Variants in GSK3B observed in about 807,000 individuals in gnomAD.
GSK3B encodes glycogen synthase kinase-3 beta.
GSK3B carries 15 observed loss-of-function variants against 56.4 expected under a neutral mutation model. The ratio of observed to expected loss-of-function variants is 0.27; its 90% CI spans 0.18 to 0.41. The LOEUF (loss-of-function observed/expected upper bound fraction) is 0.41, where lower values mean the gene tolerates loss of function less well. Ranked by LOEUF, GSK3B falls within the 10% of genes least tolerant of loss-of-function variation. GSK3B has a pLI of 1.00. For missense variants in GSK3B, 300 were observed against 513.4 expected (o/e 0.58, Z 4.02); for synonymous variants, 181 against 188.9 (o/e 0.96, Z 0.34).
chr3:120,006,623 C>T (rs1209810326), intron 1 of GSK3B, among the ~76,000 whole-genome samples: 1 of 152,172 alleles, frequency 6.6e-6, no homozygotes, highest in Non-Finnish European at 1.5e-5. Flanking sequence ...TTCAAAACCA[C>T]ACAACTGCAT....
intron 2 of GSK3B, among the ~76,000 whole-genome samples, chr3:119,990,467 C>T (rs2107465640): frequency 6.6e-6 from 1 of 152,302 alleles, no homozygotes; most frequent in Middle Eastern, 3.4e-3. Context: ...TTTCCTCTTT[C>T]TTTAACTCTT....
At chr3:119,985,525 T>C (rs1476846313) in intron 2 of GSK3B, among the ~76,000 whole-genome samples, 1 of 152,096 alleles carries the variant, frequency 6.6e-6, no homozygotes, top group Non-Finnish European at 1.5e-5. Flanking sequence ...TCACAAGCAT[T>C]CCTAGACACC....
At chr3:119,973,959 C>T (rs1032403859) in intron 2 of GSK3B, among the ~76,000 whole-genome samples, 1 of 152,124 alleles carries the variant, frequency 6.6e-6, no homozygotes, top group Non-Finnish European at 1.5e-5. Context: ...CAAAAATTAA[C>T]TTGAAATGGA....
At chr3:119,906,142 G>A (rs190649082) in intron 6 of GSK3B, among the ~76,000 whole-genome samples, 1 of 152,174 alleles carries the variant, frequency 6.6e-6, no homozygotes, top group East Asian at 1.9e-4. Flanking sequence ...GAGGATTACA[G>A]TACCAAAGCT....
intron 1 of GSK3B, among the ~76,000 whole-genome samples, chr3:120,091,011 C>T (rs577971417): frequency 5.3e-5 from 8 of 152,288 alleles, no homozygotes; most frequent in African/African-American, 1.7e-4. Flanking sequence ...GTTCAAGTTA[C>T]CACCTCCTTT....
chr3:120,010,368 C>T (rs72969151), intron 1 of GSK3B, among the ~76,000 whole-genome samples: 3 of 152,062 alleles, frequency 2.0e-5, no homozygotes, highest in Admixed American at 1.3e-4. Flanking sequence ...TCTTAGCAGT[C>T]CTAAAAACAG....
intron 1 of GSK3B, among the ~76,000 whole-genome samples, chr3:120,031,519 T>C (rs1010827838): frequency 1.3e-5 from 2 of 152,210 alleles, no homozygotes; most frequent in Admixed American, 1.3e-4. Flanking sequence ...TGCTACTTCC[T>C]AAGCCTTTTT....
chr3:119,910,530 C>G (rs2056725528), intron 6 of GSK3B, among the ~76,000 whole-genome samples: 1 of 152,166 alleles, frequency 6.6e-6, no homozygotes, highest in African/African-American at 2.4e-5. Flanking sequence ...AATCTTTTTG[C>G]TGGCAGAGGG....
At chr3:120,015,603 T>A (rs2057817631) in intron 1 of GSK3B, among the ~76,000 whole-genome samples, 1 of 116,842 alleles carries the variant, frequency 8.6e-6, no homozygotes, top group African/African-American at 3.3e-5. Flanking sequence ...TAAGCCAAGA[T>A]CACGCCATTG....
intron 10 of GSK3B, among the ~76,000 whole-genome samples, chr3:119,833,691 T>TG (rs2055641109): frequency 9.0e-6 from 1 of 111,064 alleles, no homozygotes; most frequent in Non-Finnish European, 1.8e-5. Context: ...CATTAGGTTG[T>TG]TTTTTTTTTT....
chr3:120,077,667 G>C (rs2058378933), intron 1 of GSK3B, among the ~76,000 whole-genome samples: 2 of 151,062 alleles, frequency 1.3e-5, no homozygotes, highest in African/African-American at 2.5e-5. Context: ...GGGAGAGGGG[G>C]TGGGTAACTA....
intron 3 of GSK3B, among the ~76,000 whole-genome samples, chr3:119,931,110 T>A (rs1398827459): frequency 5.9e-5 from 9 of 152,206 alleles, no homozygotes; most frequent in Non-Finnish European, 1.3e-4. Context: ...AACAGTAGTA[T>A]TTTTGCAGTT....
rs1265446000 is a variant in GSK3B, at chr3:120,002,252, A to G, written c.89-13T>C. The G allele has an allele frequency of 6.7e-7, 1 of 1,502,318 alleles. No individual in the cohort carries two copies. The highest frequency in any genetic ancestry group is 2.5e-5 in the East Asian group (1 of 40,760). 93.1% of individuals were successfully genotyped at this position (1,502,318 alleles called of 1,614,324 possible). On this transcript the variant is annotated splice_polypyrimidine_tract_variant and intron_variant, in intron 1 of 10. Coordinates refer to ENST00000264235, the MANE Select transcript of GSK3B (RefSeq NM_001146156.2). ...CCGTCCTTGTCTCCTAAAGGAAGAAAGGAAATTTTTTTTTCACGAGAACTG... is the reference window on the plus strand; with the variant it reads ...CCGTCCTTGTCTCCTAAAGGAAGAAGGGAAATTTTTTTTTCACGAGAACTG...
intron 2 of GSK3B, among the ~76,000 whole-genome samples, chr3:119,995,473 T>A (rs561254358): frequency 6.7e-6 from 1 of 149,836 alleles, no homozygotes; most frequent in Non-Finnish European, 1.5e-5. Flanking sequence ...CAATAATTAT[T>A]TTTTTTTTTT....
Position 119,822,842 on chromosome 3 carries a change from G to A in GSK3B, c.*3946C>T. 4.4e-6 allele frequency: 1 copy of A among 228,344 alleles called. No homozygotes were observed. Among genetic ancestry groups the A allele is most frequent in the Admixed American group, 5.7e-5 (1 of 17,638 alleles). 14.1% of individuals were successfully genotyped at this position (228,344 alleles called of 1,614,324 possible). ...AAACCCCCCAAATTCCTGGGGATCT[G>A]GCATTGGCCAAACTTCCTTTGGAAG... On this transcript the variant is annotated 3_prime_UTR_variant, in exon 11 of 11. Coordinates refer to ENST00000264235, the MANE Select transcript of GSK3B (RefSeq NM_001146156.2).
At chr3:119,953,662 G>A (rs1192172815) in intron 2 of GSK3B, among the ~76,000 whole-genome samples, 1 of 152,080 alleles carries the variant, frequency 6.6e-6, no homozygotes, top group South Asian at 2.1e-4. Context: ...ATTATCGCTA[G>A]ATGCTACTTC....
chr3:119,975,393 G>A (rs1348687905), intron 2 of GSK3B, among the ~76,000 whole-genome samples: 1 of 152,106 alleles, frequency 6.6e-6, no homozygotes, highest in Non-Finnish European at 1.5e-5. Flanking sequence ...GTTGCAGTGA[G>A]CTAAGATTGT....
At chr3:120,090,130 A>G (rs1001527507) in intron 1 of GSK3B, among the ~76,000 whole-genome samples, 1 of 152,118 alleles carries the variant, frequency 6.6e-6, no homozygotes, top group African/African-American at 2.4e-5. Flanking sequence ...AAAATGTTAC[A>G]GTCACAGTTT....
At chr3:119,989,741 T>C (rs1216787212) in intron 2 of GSK3B, among the ~76,000 whole-genome samples, 1 of 152,078 alleles carries the variant, frequency 6.6e-6, no homozygotes, top group Non-Finnish European at 1.5e-5. Flanking sequence ...TGTCATCCCA[T>C]TCCTGAGCCC....
Sources: allele counts gnomAD v4.1 joint callset (sites outside exome capture counted in the v4.1 genomes callset), GRCh38; gene constraint gnomAD v4.1.1; transcripts MANE v1.5; gene names NCBI Gene and HGNC (gene_info 2026-07-23, HGNC 2026-07-21).